The following INSL6 variants were observed in gnomAD, a reference collection of about 807,000 sequenced individuals.
INSL6 encodes insulin-like peptide INSL6.
INSL6 carries 16 observed loss-of-function variants against 9.4 expected under a neutral mutation model. The observed-to-expected ratio is 1.70, with a 90% CI of 1.15 to 2.59. INSL6 has a LOEUF of 2.59. Among genes scored for constraint, INSL6 ranks in the 30% most tolerant of loss-of-function variants. INSL6 has a pLI of 0.00. For synonymous variants in INSL6, 154 were observed against 96.9 expected (o/e 1.59, Z -3.46); for missense variants, 391 against 257.3 (o/e 1.52, Z -3.56).
rs760489584 is a variant in INSL6 at position 5,164,206 on chromosome 9, T to C, written c.349A>G (p.Lys117Glu). ...SWEMQSLPEY[K>E]DKKGYSPLGK... ...AGGGGTGAATATCCCTTTTTATCCT[T>C]ATACTCAGGTAGTGACTGCATTTCC... is the stretch of plus-strand genomic sequence containing the variant. Residue 117 changes from lysine (K) to glutamate (E), a missense_variant, in exon 2 of 2, where the codon AAG (lysine) becomes GAG (glutamate). Lys to Glu is a moderately conservative substitution (Grantham distance 56). Coordinates refer to ENST00000381641, the MANE Select transcript of INSL6 (RefSeq NM_007179.3). 4 of 1,607,926 alleles carry C rather than the reference T, an allele frequency of 2.5e-6. No individual in the cohort carries two copies. In the South Asian group the frequency reaches 4.5e-5, roughly 18 times the overall value.
chr9:5,100,984 T>G, the INSL6 span: 1 of 152,316 alleles, frequency 6.6e-6, no homozygotes, highest in Non-Finnish European at 1.5e-5. Context: ...GATGGTGATT[T>G]CCGCATTTCC....
chr9:5,144,563 T>C (rs1458352711), intron 2 of INSL6, among the ~76,000 whole-genome samples: 1 of 152,194 alleles, frequency 6.6e-6, no homozygotes, highest in Non-Finnish European at 1.5e-5. Flanking sequence ...CTTGATGATC[T>C]AATATTGTCA....
chr9:5,044,073 G>A, the INSL6 span, among the ~76,000 whole-genome samples: 1 of 152,122 alleles, frequency 6.6e-6, no homozygotes, highest in Non-Finnish European at 1.5e-5. Flanking sequence ...TACCAAATTA[G>A]CATTTTCAGA....
At chr9:5,143,235 A>ATT (rs61635617) in intron 2 of INSL6, among the ~76,000 whole-genome samples, 75 of 144,392 alleles carry the variant, frequency 5.2e-4, no homozygotes, top group African/African-American at 1.8e-3. Context: ...CTTCTCCTCA[A>ATT]TTTTTTTTTT....
chr9:5,087,285 GTGCCAGCAGGAGAAA>G, the INSL6 span, among the ~76,000 whole-genome samples: 4 of 152,210 alleles, frequency 2.6e-5, no homozygotes, highest in African/African-American at 7.2e-5. Flanking sequence ...GAGAGAATGA[GTGCCAGCAGGAGAAA>G]TGCCAGATGC....
the INSL6 span, among the ~76,000 whole-genome samples, chr9:5,064,208 T>C: frequency 4.0e-5 from 6 of 151,680 alleles, no homozygotes; most frequent in Non-Finnish European, 7.4e-5. Flanking sequence ...ACATTTTAGT[T>C]TGTAGCATGA....
chr9:5,100,558 C>G, the INSL6 span: 1 of 152,224 alleles, frequency 6.6e-6, no homozygotes, highest in South Asian at 2.1e-4. Flanking sequence ...AGTCTAGCCC[C>G]AATGCCAGAA....
chr9:5,114,480 C>T, the INSL6 span: 1 of 465,944 alleles, frequency 2.1e-6, no homozygotes, highest in South Asian at 1.9e-5. Context: ...GATCAGCGGC[C>T]CATGTGCTCC....
At chr9:5,022,833 TTC>T in the INSL6 span, among the ~76,000 whole-genome samples, 1 of 152,340 alleles carries the variant, frequency 6.6e-6, no homozygotes, top group South Asian at 2.1e-4. Context: ...TTTTTAAATG[TTC>T]TTTTAATAGA....
chr9:5,023,167 C>G, the INSL6 span, among the ~76,000 whole-genome samples: 2 of 152,148 alleles, frequency 1.3e-5, no homozygotes, highest in Non-Finnish European at 2.9e-5. Context: ...CTCTTCCCAC[C>G]CATATAACCT....
At chr9:5,158,287 A>G (rs1026356865) in intron 2 of INSL6, among the ~76,000 whole-genome samples, 1 of 152,186 alleles carries the variant, frequency 6.6e-6, no homozygotes, top group Non-Finnish European at 1.5e-5. Context: ...CAAAGAGATA[A>G]TAACAGAGAA....
chr9:5,128,080 TTGTGTGTG>T (rs139964957), intron 3 of INSL6: 9,877 of 220,304 alleles, frequency 0.045, 31 homozygotes, highest in Middle Eastern at 0.076. Context: ...ATGGTGGGTT[TTGTGTGTG>T]TGTGTGTGTG....
the INSL6 span, chr9:5,054,946 A>G: frequency 7.9e-7 from 1 of 1,266,244 alleles, no homozygotes; most frequent in Non-Finnish European, 1.1e-6. This position sits in a 1 kb window ranked among gnomAD's most constrained non-coding sequence, Gnocchi z 4.9. Flanking sequence ...ATAAAAACAA[A>G]GTAATTTTAA....
chr9:5,126,625 A>C, intron 3 of INSL6: 1 of 1,214,774 alleles, frequency 8.2e-7, no homozygotes, highest in Non-Finnish European at 1.2e-6. Context: ...AATGTCTTCC[A>C]CCAATTAAAA....
intron 1 of INSL6, among the ~76,000 whole-genome samples, chr9:5,183,472 C>T (rs1392641031): frequency 6.6e-6 from 1 of 152,132 alleles, no homozygotes; most frequent in Non-Finnish European, 1.5e-5. Context: ...ATTTATTCTT[C>T]CAGGGGAGTG....
the INSL6 span, chr9:5,070,177 T>C: frequency 1.8e-6 from 1 of 568,508 alleles, no homozygotes; most frequent in Non-Finnish European, 2.7e-6. Context: ...GATTTAAATA[T>C]TTTTCTTATG....
chr9:5,053,596 T>C, the INSL6 span, among the ~76,000 whole-genome samples: 1 of 151,942 alleles, frequency 6.6e-6, no homozygotes, highest in African/African-American at 2.4e-5. Flanking sequence ...CTTGAAATAA[T>C]GGAACAGAAG....
At chr9:5,160,482 G>A (rs1375732594), downstream of INSL6, among the ~76,000 whole-genome samples, 1 of 152,082 alleles carries the variant, frequency 6.6e-6, no homozygotes, top group Non-Finnish European at 1.5e-5. Flanking sequence ...TAAAAGTGAA[G>A]TGCCTACATC....
chr9:5,162,416 T>C (rs1824946001), downstream of INSL6, among the ~76,000 whole-genome samples: 1 of 152,110 alleles, frequency 6.6e-6, no homozygotes, highest in African/African-American at 2.4e-5. Flanking sequence ...AATAACACAC[T>C]TGGTTAATAT....
Sources: allele counts gnomAD v4.1 joint callset (sites outside exome capture counted in the v4.1 genomes callset), GRCh38; gene constraint gnomAD v4.1.1; non-coding constraint Gnocchi (gnomAD v3.1); transcripts MANE v1.5; gene names NCBI Gene and HGNC (gene_info 2026-07-23, HGNC 2026-07-21).